MSRB3: variants seen among roughly 807,000 people sequenced by gnomAD.
The protein encoded by MSRB3 is methionine sulfoxide reductase B3, also known as methionine-R-sulfoxide reductase B3.
In MSRB3, 13 loss-of-function variants were observed where a neutral mutation model predicts 21.0. The observed-to-expected ratio is 0.62, with a 90% confidence interval of 0.40 to 0.98. MSRB3 has a LOEUF of 0.98. Among genes scored for constraint, MSRB3 ranks in the 50% least tolerant of loss-of-function variants. The pLI, the probability that MSRB3 is intolerant of heterozygous loss-of-function variation, is 0.00. For missense variants in MSRB3, 199 were observed against 230.3 expected, an observed-to-expected ratio of 0.86 and a Z score of 0.88; for synonymous variants, 87 against 88.6, an observed-to-expected ratio of 0.98 and a Z score of 0.10.
intron 2 of MSRB3, among the ~76,000 whole-genome samples, chr12:65,314,748 CA>C (rs1304378515): frequency 2.6e-5 from 4 of 151,730 alleles, no homozygotes; most frequent in Non-Finnish European, 5.9e-5. Context: ...TTTAAATAGG[CA>C]TGAAAAAAAC....
At chr12:65,350,046 T>G (rs571116980) in intron 4 of MSRB3, among the ~76,000 whole-genome samples, 1,819 of 152,210 alleles carry the variant, frequency 0.012, 22 homozygotes, top group Middle Eastern at 0.02. Context: ...GTTTTAGGTC[T>G]AACATTTAAG....
At chr12:65,434,490 G>A (rs1237936557) in intron 5 of MSRB3, among the ~76,000 whole-genome samples, 1 of 151,864 alleles carries the variant, frequency 6.6e-6, no homozygotes, top group Non-Finnish European at 1.5e-5. Flanking sequence ...GTGTTGATAG[G>A]TGTCATAGCC....
At chr12:65,385,729 A>G (rs1879166192) in intron 5 of MSRB3, among the ~76,000 whole-genome samples, 1 of 151,956 alleles carries the variant, frequency 6.6e-6, no homozygotes, top group Admixed American at 6.6e-5. Flanking sequence ...ACATTTGCTT[A>G]CTTATATTTA....
rs538196555 is a variant in MSRB3, at chr12:65,343,760, T to G, written c.263+15157T>G. 6.6e-5 allele frequency among the ~76,000 whole-genome samples: 10 copies of G among 152,194 alleles called. No individual in the cohort carries two copies. The South Asian group carries it at 2.1e-3, about 32-fold the overall frequency. On this transcript the variant is annotated intron_variant, in intron 4 of 6. Transcript: ENST00000308259. Reference sequence around the variant, plus strand: ...GGCCCCTAAGGCACCCTTCCCTAGCTCAATATTATGTTATAATGCTTCCCT... The same window carrying G: ...GGCCCCTAAGGCACCCTTCCCTAGCGCAATATTATGTTATAATGCTTCCCT...
intron 5 of MSRB3, among the ~76,000 whole-genome samples, chr12:65,378,391 G>T (rs1878752670): frequency 6.6e-6 from 1 of 152,130 alleles, no homozygotes; most frequent in African/African-American, 2.4e-5. Context: ...ATTTATTCAT[G>T]CTTACATGTC....
intron 1 of MSRB3, among the ~76,000 whole-genome samples, chr12:65,301,931 C>T (rs1168118030): frequency 6.6e-6 from 1 of 151,798 alleles, no homozygotes; most frequent in Non-Finnish European, 1.5e-5. Flanking sequence ...AAGAGATTTG[C>T]AAAAATATAG....
rs1322957636 is a variant in MSRB3, at chr12:65,401,246, A to T, written c.292+32220A>T. On this transcript the variant is annotated intron_variant, in intron 5 of 6. Transcript: ENST00000308259. ...CCCACTATTATTGTATGGGAGTCTA[A>T]ATCTCTTTGTAGGTCTCTAAGAACT... Among the ~76,000 whole-genome samples the T allele has an allele frequency of 2.0e-5, 3 of 152,258 alleles. No homozygotes were observed. The South Asian group carries it at 6.2e-4, about 32-fold the overall frequency.
chr12:65,416,244 A>G (rs1421154782), intron 5 of MSRB3, among the ~76,000 whole-genome samples: 1 of 152,160 alleles, frequency 6.6e-6, no homozygotes, highest in East Asian at 1.9e-4. Flanking sequence ...TGCTAGCTCC[A>G]TATCATTCTT....
chr12:65,328,913 A>AT (rs917023168), intron 4 of MSRB3, among the ~76,000 whole-genome samples: 4 of 152,216 alleles, frequency 2.6e-5, no homozygotes, highest in African/African-American at 9.6e-5. Context: ...GCATTTACTG[A>AT]TTTTTTAAAT....
chr12:65,396,615 C>T (rs12829612), intron 5 of MSRB3, among the ~76,000 whole-genome samples: 1,581 of 150,856 alleles, frequency 0.01, 13 homozygotes, highest in Non-Finnish European at 0.016. Flanking sequence ...CACTTGAACC[C>T]GGGAAGCAGA....
chr12:65,407,993 T>C (rs1335104659), intron 5 of MSRB3, among the ~76,000 whole-genome samples: 1 of 152,132 alleles, frequency 6.6e-6, no homozygotes, highest in African/African-American at 2.4e-5. Context: ...TTAACTATAG[T>C]TGTTTTAAAT....
intron 5 of MSRB3, among the ~76,000 whole-genome samples, chr12:65,403,256 T>G (rs1332677215): frequency 1.3e-5 from 2 of 152,224 alleles, no homozygotes; most frequent in African/African-American, 4.8e-5. Flanking sequence ...GTTTTATCTG[T>G]AAGCCCATGA....
chr12:65,385,929 C>T (rs1379825226), intron 5 of MSRB3, among the ~76,000 whole-genome samples: 1 of 151,358 alleles, frequency 6.6e-6, no homozygotes, highest in African/African-American at 2.4e-5. Context: ...CATATTTGAC[C>T]TTGTATTTTT....
chr12:65,301,389 AGTT>A (rs1004742067), intron 1 of MSRB3, among the ~76,000 whole-genome samples: 1 of 151,956 alleles, frequency 6.6e-6, no homozygotes, highest in African/African-American at 2.4e-5. Flanking sequence ...TGATGGTTGA[AGTT>A]GTAAGAATAG....
At chr12:65,409,191 T>TACAC (rs569976939) in intron 5 of MSRB3, among the ~76,000 whole-genome samples, 20 of 151,336 alleles carry the variant, frequency 1.3e-4, no homozygotes, top group Non-Finnish European at 2.8e-4. Context: ...TGTGTGTATA[T>TACAC]ACACACACAC....
chr12:65,415,499 C>G (rs1880922705), intron 5 of MSRB3, among the ~76,000 whole-genome samples: 1 of 152,104 alleles, frequency 6.6e-6, no homozygotes, highest in Admixed American at 6.5e-5. Flanking sequence ...GGGTTAGGGT[C>G]CTGATCAACA....
intron 5 of MSRB3, among the ~76,000 whole-genome samples, chr12:65,386,500 T>C (rs1197740482): frequency 6.6e-6 from 1 of 151,944 alleles, no homozygotes; most frequent in Non-Finnish European, 1.5e-5. Context: ...ATTTTTCTCT[T>C]GGAGAAAAGA....
At chr12:65,431,644 G>C (rs567792645) in intron 5 of MSRB3, among the ~76,000 whole-genome samples, 2 of 152,030 alleles carry the variant, frequency 1.3e-5, no homozygotes, top group East Asian at 3.9e-4. Context: ...GGTTATAGTG[G>C]AAAGCCAGAA....
At chr12:65,335,181 A>G (rs1242070009) in intron 4 of MSRB3, among the ~76,000 whole-genome samples, 1 of 152,230 alleles carries the variant, frequency 6.6e-6, no homozygotes, top group African/African-American at 2.4e-5. Flanking sequence ...CGAATATGCC[A>G]GGTATTCAAC....
Sources: gnomAD v4.1 joint callset for allele counts (sites outside exome capture counted in the v4.1 genomes callset) on GRCh38, gnomAD v4.1.1 for gene constraint, MANE v1.5 for transcripts, NCBI Gene and HGNC (gene_info 2026-07-23, HGNC 2026-07-21) for gene names.